Variants in IMMP2L observed in about 807,000 individuals in gnomAD.
IMMP2L encodes the protein mitochondrial inner membrane protease subunit 2.
A neutral mutation model predicts 19.3 loss-of-function variants in IMMP2L; 18 were observed. The ratio of observed to expected loss-of-function variants is 0.93; its 90% CI spans 0.64 to 1.38. IMMP2L has a LOEUF of 1.38. Ranked by LOEUF, IMMP2L falls within the 40% of genes most tolerant of loss-of-function variation. IMMP2L has a pLI of 0.00. For synonymous variants in IMMP2L, 76 were observed against 73.0 expected (o/e 1.04, Z -0.21); for missense variants, 233 against 218.2 (o/e 1.07, Z -0.43).
At chr7:111,166,629 C>T (rs1459403427) in intron 3 of IMMP2L, among the ~76,000 whole-genome samples, 5 of 151,880 alleles carry the variant, frequency 3.3e-5, no homozygotes, top group East Asian at 1.9e-4. Flanking sequence ...ACAAACTGGG[C>T]GGCTTCCAAG....
At chr7:110,852,164 A>T (rs1206422356) in intron 5 of IMMP2L, among the ~76,000 whole-genome samples, 2 of 151,906 alleles carry the variant, frequency 1.3e-5, no homozygotes, top group African/African-American at 4.8e-5. Flanking sequence ...CCAAGTGAAC[A>T]ATTTAGACTG....
chr7:111,012,364 G>C (rs893797562), intron 3 of IMMP2L, among the ~76,000 whole-genome samples: 1 of 151,958 alleles, frequency 6.6e-6, no homozygotes, highest in African/African-American at 2.4e-5. Context: ...ACTATAGTGC[G>C]AACAGTATTT....
chr7:111,159,923 G>A (rs567855002), intron 3 of IMMP2L, among the ~76,000 whole-genome samples: 29 of 151,696 alleles, frequency 1.9e-4, no homozygotes, highest in Admixed American at 1.5e-3. Context: ...CTATCCTAGG[G>A]CACATCTCAA....
At chr7:111,061,427 A>G (rs1794002349) in intron 3 of IMMP2L, among the ~76,000 whole-genome samples, 1 of 152,146 alleles carries the variant, frequency 6.6e-6, no homozygotes, top group Admixed American at 6.6e-5. Flanking sequence ...CACTGCTTGG[A>G]GGAGCTGGAA....
chr7:110,793,909 A>C (rs1237054768), intron 5 of IMMP2L, among the ~76,000 whole-genome samples: 1 of 152,158 alleles, frequency 6.6e-6, no homozygotes, highest in African/African-American at 2.4e-5. Context: ...GCACATGAAA[A>C]GGTGTCCAAC....
intron 5 of IMMP2L, among the ~76,000 whole-genome samples, chr7:110,811,670 T>C (rs1183974212): frequency 2.0e-5 from 3 of 152,098 alleles, no homozygotes; most frequent in African/African-American, 7.2e-5. Flanking sequence ...TTATATACAG[T>C]AAAGTGTTAT....
intron 3 of IMMP2L, among the ~76,000 whole-genome samples, chr7:111,264,209 T>C (rs1210197331): frequency 1.3e-5 from 2 of 152,168 alleles, no homozygotes; most frequent in Non-Finnish European, 2.9e-5. Flanking sequence ...CAGTTTACTA[T>C]TTTTAACCTG....
intron 5 of IMMP2L, among the ~76,000 whole-genome samples, chr7:110,731,826 A>G (rs1200268100): frequency 6.6e-6 from 1 of 152,200 alleles, no homozygotes; most frequent in Non-Finnish European, 1.5e-5. Context: ...ACTAATTATT[A>G]TAATCTATTA....
At chr7:111,355,912 G>C (rs1025889520) in intron 3 of IMMP2L, among the ~76,000 whole-genome samples, 1 of 151,756 alleles carries the variant, frequency 6.6e-6, no homozygotes, top group Non-Finnish European at 1.5e-5. Context: ...GTCTAATTCT[G>C]TTAGAAAACT....
In IMMP2L at chr7:111,487,259, C is replaced by T. The variant is rs140154823; in HGVS notation, c.218G>A (p.Arg73His). The T allele has an allele frequency of 1.3e-5, 20 of 1,572,030 alleles. No individual in the cohort carries two copies. Among genetic ancestry groups the T allele is most frequent in the Middle Eastern group, 1.7e-4 (1 of 6,000 alleles). ...HWKVRNFEVHRGDIVSLVSPK... is the reference protein window; with the variant it reads ...HWKVRNFEVHHGDIVSLVSPK... ...TTACACCAATGATACAATGTCACCA[C>T]GGTGTACTTCAAAATTCCTCACTTT... Residue 73 changes from arginine to histidine, a missense_variant, in exon 3 of 6, where the codon CGT becomes CAT. By Grantham distance (29) the Arg-to-His change is conservative. Coordinates refer to ENST00000405709, the MANE Select transcript of IMMP2L (RefSeq NM_032549.4).
At chr7:110,734,032 T>C (rs11765047) in intron 5 of IMMP2L, among the ~76,000 whole-genome samples, 5,939 of 152,146 alleles carry the variant, frequency 0.039, 132 homozygotes, top group Middle Eastern at 0.095. Flanking sequence ...GAGACAAAAA[T>C]TTGCACCAGA....
chr7:110,974,669 T>C (rs1436008727), intron 3 of IMMP2L, among the ~76,000 whole-genome samples: 4 of 152,120 alleles, frequency 2.6e-5, no homozygotes, highest in Non-Finnish European at 4.4e-5. Context: ...CTCCAGGCTG[T>C]TCACTGGCAC....
intron 3 of IMMP2L, among the ~76,000 whole-genome samples, chr7:110,999,508 T>C (rs1823416397): frequency 1.3e-5 from 2 of 151,882 alleles, no homozygotes; most frequent in African/African-American, 4.8e-5. Context: ...TCTCTAGTAG[T>C]ACTCTCTAGC....
chr7:111,309,229 A>T (rs986221859), intron 3 of IMMP2L, among the ~76,000 whole-genome samples: 8 of 152,154 alleles, frequency 5.3e-5, no homozygotes, highest in African/African-American at 1.7e-4. Context: ...GAGTGAGCTG[A>T]CAAATGTACA....
chr7:110,894,975 T>A (rs2129546540), intron 4 of IMMP2L, among the ~76,000 whole-genome samples: 1 of 152,280 alleles, frequency 6.6e-6, no homozygotes, highest in Admixed American at 6.5e-5. Context: ...TTGTTAAAAT[T>A]AATTTACCCT....
At chr7:110,745,419 C>T (rs978360868) in intron 5 of IMMP2L, among the ~76,000 whole-genome samples, 16 of 152,040 alleles carry the variant, frequency 1.1e-4, no homozygotes, top group Non-Finnish European at 1.6e-4. Context: ...AGATACTCCT[C>T]GAGAAGAGCA....
At chr7:111,058,004 G>A (rs1413690746) in intron 3 of IMMP2L, among the ~76,000 whole-genome samples, 1 of 151,892 alleles carries the variant, frequency 6.6e-6, no homozygotes. Flanking sequence ...TGTTCTTTAG[G>A]ATCTTCAGCA....
intron 3 of IMMP2L, among the ~76,000 whole-genome samples, chr7:111,141,743 T>C (rs1337801314): frequency 6.6e-6 from 1 of 152,142 alleles, no homozygotes; most frequent in East Asian, 1.9e-4. Flanking sequence ...CGTTTGTTTG[T>C]TTGTTTAAGA....
chr7:111,371,621 C>G (rs1267796234), intron 3 of IMMP2L, among the ~76,000 whole-genome samples: 4 of 151,972 alleles, frequency 2.6e-5, no homozygotes, highest in African/African-American at 4.8e-5. Flanking sequence ...TACAGTATCA[C>G]CATAGAGACT....
Sources: allele counts gnomAD v4.1 joint callset (sites outside exome capture counted in the v4.1 genomes callset), GRCh38; gene constraint gnomAD v4.1.1; transcripts MANE v1.5; gene names NCBI Gene and HGNC (gene_info 2026-07-23, HGNC 2026-07-21).